AP1B1: variants seen among roughly 807,000 people sequenced by gnomAD.
The protein encoded by AP1B1 is adaptor related protein complex 1 subunit beta 1, also known as AP-1 complex subunit beta-1.
Under a neutral mutation model 104.3 loss-of-function variants are expected in AP1B1, and 36 were observed. That is an observed-to-expected ratio of 0.35 (90% CI 0.26 to 0.46). The LOEUF is 0.46. AP1B1 is among the 20% of genes least tolerant of loss of function. The pLI is 1.00. For missense variants in AP1B1, 901 were observed against 1,247.9 expected, an observed-to-expected ratio of 0.72 and a Z score of 4.19; for synonymous variants, 504 against 517.5, an observed-to-expected ratio of 0.97 and a Z score of 0.35.
intron 1 of AP1B1, among the ~76,000 whole-genome samples, chr22:29,371,459 C>A (rs781280811): frequency 3.3e-5 from 5 of 152,130 alleles, no homozygotes; most frequent in African/African-American, 9.7e-5. Flanking sequence ...CGGCTGGGCG[C>A]GGTGGCTTAT....
intron 16 of AP1B1, among the ~76,000 whole-genome samples, chr22:29,335,463 G>T (rs2061625106): frequency 6.6e-6 from 1 of 151,978 alleles, no homozygotes; most frequent in Non-Finnish European, 1.5e-5. Context: ...TCCTGTGAAG[G>T]CCACCTCTTA....
chr22:29,373,662 G>A (rs1451761772), intron 1 of AP1B1, among the ~76,000 whole-genome samples: 2 of 152,170 alleles, frequency 1.3e-5, no homozygotes, highest in Non-Finnish European at 1.5e-5. Flanking sequence ...CAGCACTTTC[G>A]GAGGCCAAGG....
chr22:29,383,681 A>G (rs2062473786), intron 1 of AP1B1, among the ~76,000 whole-genome samples: 1 of 121,016 alleles, frequency 8.3e-6, no homozygotes, highest in Non-Finnish European at 1.6e-5. Flanking sequence ...TGCACTCCAG[A>G]CTCCGTCTCA....
rs145620469 is a variant in AP1B1 at position 29,335,038 on chromosome 22, G to A, written c.2164-628C>T. Among the ~76,000 whole-genome samples the A allele has an allele frequency of 3.1e-3, 475 of 152,324 alleles. 1 individual carries two copies. The highest frequency in any genetic ancestry group is 7.0e-3 in the African/African-American group (291 of 41,580). On this transcript the variant is annotated intron_variant, in intron 16 of 22. Transcript: ENST00000357586. ...TGCCCCCAGGTTCCCTCGCCCCAGT[G>A]ATGTTATGGCAGATAAATATGAGCT... is the stretch of plus-strand genomic sequence containing the variant.
intron 4 of AP1B1, among the ~76,000 whole-genome samples, chr22:29,359,275 C>T (rs1358170424): frequency 1.3e-5 from 2 of 152,130 alleles, no homozygotes; most frequent in African/African-American, 2.4e-5. Flanking sequence ...AGAGCAGAGC[C>T]GTGATTCAAA....
chr22:29,335,259 G>T (rs983675607), intron 16 of AP1B1, among the ~76,000 whole-genome samples: 1 of 152,130 alleles, frequency 6.6e-6, no homozygotes, highest in Non-Finnish European at 1.5e-5. Flanking sequence ...CCTCTCAGGC[G>T]GTTACTCTCC....
intron 11 of AP1B1, among the ~76,000 whole-genome samples, chr22:29,347,023 G>A (rs948803159): frequency 5.3e-5 from 8 of 152,172 alleles, no homozygotes; most frequent in Non-Finnish European, 1.2e-4. Flanking sequence ...TAGGTCCTGG[G>A]ACTTTTGCTG....
At position 29,334,274 on chromosome 22, in the gene AP1B1, T is replaced by G; in HGVS notation, c.2300A>C (p.Asn767Thr). The G allele has an allele frequency of 6.3e-7, 1 of 1,596,948 alleles. No individual in the cohort carries two copies. Among genetic ancestry groups the G allele is most frequent in the East Asian group, 2.3e-5 (1 of 44,254 alleles). Residue 767 changes from asparagine (N) to threonine (T), a missense_variant, in exon 17 of 23, where the codon AAC (asparagine) becomes ACC (threonine). By Grantham distance (65) the Asn-to-Thr change is moderately conservative (BLOSUM62 0). Transcript: ENST00000357586. ...QVMTDFAIQF[N>T]RNSFGLAPAA... ...CTCAGGGAGCTCTCACCTGTTGCGG[T>G]TGAACTGGATGGCAAAGTCGGTCAT...
intron 1 of AP1B1, among the ~76,000 whole-genome samples, chr22:29,376,462 G>A (rs1439205318): frequency 6.6e-6 from 1 of 152,200 alleles, no homozygotes; most frequent in Non-Finnish European, 1.5e-5. Flanking sequence ...GTCAGATCCA[G>A]TTGCATCTCT....
chr22:29,356,202 C>T (rs144723972), intron 6 of AP1B1, among the ~76,000 whole-genome samples: 71 of 152,372 alleles, frequency 4.7e-4, no homozygotes, highest in Non-Finnish European at 3.7e-4. Context: ...AGCTCCAAGG[C>T]CAGGCCATGC....
At chr22:29,349,053 T>C (rs957344094) in intron 11 of AP1B1, among the ~76,000 whole-genome samples, 165 bp downstream of exon 11, 14 of 152,196 alleles carry the variant, frequency 9.2e-5, no homozygotes, top group Non-Finnish European at 4.4e-5. Flanking sequence ...TCGACTGTAC[T>C]GCAGTGAGGA....
intron 13 of AP1B1, 86 bp downstream of exon 13, chr22:29,341,415 G>A: frequency 6.6e-7 from 1 of 1,520,086 alleles, no homozygotes. Context: ...CTTGCTGGGG[G>A]ACAACACGCC....
chr22:29,330,928 G>A (rs1187652731), intron 19 of AP1B1, among the ~76,000 whole-genome samples: 1 of 152,144 alleles, frequency 6.6e-6, no homozygotes, highest in Admixed American at 6.5e-5. Context: ...CCTGCCTCCA[G>A]GCCTTGGATC....
At chr22:29,355,236 C>T (rs1237331818) in intron 6 of AP1B1, among the ~76,000 whole-genome samples, 3 of 144,012 alleles carry the variant, frequency 2.1e-5, no homozygotes, top group East Asian at 2.0e-4. Context: ...GACCCTGTCT[C>T]GAAAAAAAAA....
Position 29,351,828 on chromosome 22 carries a change from G to A in AP1B1, c.939-3C>T, listed in dbSNP as rs2061879811. ...TCTCATGCTTCAGGATCTCAGGCCT[G>A]GTGGTGGGGCAGGATGCCCGGAGAG... On this transcript the variant is annotated splice_region_variant and splice_polypyrimidine_tract_variant and intron_variant, in intron 7 of 22. Coordinates refer to ENST00000357586, the MANE Select transcript of AP1B1 (RefSeq NM_001127.4). 1.2e-6 allele frequency: 2 copies of A among 1,613,980 alleles called. No individual in the cohort carries two copies. Among genetic ancestry groups the A allele is most frequent in the African/African-American group, 1.3e-5 (1 of 74,940 alleles).
At position 29,370,502 on chromosome 22, in the gene AP1B1, A is replaced by C. The variant is rs375267349; in HGVS notation, c.-27-3232T>G. The C allele has an allele frequency of 5.3e-5, 8 of 152,130 alleles. No individual in the cohort carries two copies. The East Asian group carries it at 1.2e-3, about 22-fold the overall frequency. 9.4% of individuals were successfully genotyped at this position (152,130 alleles called of 1,614,324 possible). On this transcript the variant is annotated intron_variant, in intron 1 of 22. Coordinates refer to ENST00000357586, the MANE Select transcript of AP1B1 (RefSeq NM_001127.4). ...AGAAAGAAAGAAAAGTGAATAAAAC[A>C]AACAAAATACCTTAGATAACTAATG...
intron 2 of AP1B1, among the ~76,000 whole-genome samples, chr22:29,364,801 C>T (rs1474791095): frequency 6.6e-6 from 1 of 151,794 alleles, no homozygotes; most frequent in African/African-American, 2.4e-5. Flanking sequence ...TTCCGCCTCC[C>T]GGGTTCAAGC....
chr22:29,336,998 C>T (rs751664557), intron 16 of AP1B1, among the ~76,000 whole-genome samples: 7 of 152,124 alleles, frequency 4.6e-5, no homozygotes, highest in Non-Finnish European at 7.3e-5. Context: ...CTGGTGAGTA[C>T]GAGTTGGCCT....
At chr22:29,329,373 G>A in intron 22 of AP1B1, 1 of 1,234,630 alleles carries the variant, frequency 8.1e-7, no homozygotes, top group Non-Finnish European at 1.0e-6. Context: ...CCGCTCTGGG[G>A]CCTGAGCTTG....
Sources: allele counts gnomAD v4.1 joint callset (sites outside exome capture counted in the v4.1 genomes callset), GRCh38; gene constraint gnomAD v4.1.1; transcripts MANE v1.5; gene names NCBI Gene and HGNC (gene_info 2026-07-23, HGNC 2026-07-21).